Variants in FLNA observed in about 807,000 individuals in gnomAD.
FLNA encodes the protein filamin A, also known as filamin-A.
Under a neutral mutation model 157.6 loss-of-function variants are expected in FLNA, and 7 were observed. The ratio of observed to expected loss-of-function variants is 0.04; its 90% CI spans 0.03 to 0.08. The LOEUF (loss-of-function observed/expected upper bound fraction) is 0.08. FLNA is among the 10% of genes least tolerant of loss of function. The pLI is 1.00. For missense variants in FLNA, 1,750 were observed against 2,398.4 expected, an observed-to-expected ratio of 0.73 and a Z score of 5.65; for synonymous variants, 1,103 against 1,060.8, an observed-to-expected ratio of 1.04 and a Z score of -0.77.
intron 30 of FLNA, among the ~76,000 whole-genome samples, chrX:154,356,558 G>A (rs933863380): frequency 4.7e-4 from 53 of 113,006 alleles, no homozygotes; most frequent in African/African-American, 1.7e-3. Flanking sequence ...CAGGCCTGTA[G>A]CCTCTCATCA....
rs1456036865 is a variant in FLNA, at chrX:154,362,261, G to A, written c.2637C>T (p.Gly879=). Residue 879 remains glycine (G), a synonymous_variant, in exon 18 of 48, where the codon GGC becomes GGT. Transcript: ENST00000369850. ...SHDASKVKAE[G]PGLSRTGVEL... is the part of the protein sequence containing the mutation. ...CCTCACCAGTGCGACTGAGGCCAGGGCCCTCGGCCTTCACCTTACTGGCGT... is the reference window on the plus strand; with the variant it reads ...CCTCACCAGTGCGACTGAGGCCAGGACCCTCGGCCTTCACCTTACTGGCGT... The A allele has an allele frequency of 2.5e-6, 3 of 1,209,678 alleles. No homozygotes were observed. The highest frequency in any genetic ancestry group is 3.4e-6 in the Non-Finnish European group (3 of 894,912).
chrX:154,369,940 AAGAAG>A (rs2067792529), intron 2 of FLNA, among the ~76,000 whole-genome samples: 1 of 111,836 alleles, frequency 8.9e-6, no homozygotes, highest in African/African-American at 3.3e-5. Context: ...CTCAATTCTG[AAGAAG>A]AGAAGACTCA....
At position 154,364,910 on chromosome X, in the gene FLNA, C is replaced by T. The variant is rs2067744457; in HGVS notation, c.1739G>A (p.Arg580Gln). The T allele has an allele frequency of 2.5e-6, 3 of 1,210,125 alleles. No homozygotes were observed. Among genetic ancestry groups the T allele is most frequent in the Non-Finnish European group, 2.2e-6 (2 of 895,266 alleles). ...VGTECGNQKV[R>Q]AWGPGLEGGV... ...GCCCTCCAGCCCAGGGCCCCAGGCC[C>T]GTACCTTCTGATTGCCACACTCGGT... Residue 580 changes from arginine (R) to glutamine (Q), a missense_variant, in exon 12 of 48, where the codon CGG becomes CAG. This residue lies in a region of FLNA where 648 missense variants were observed against 805.8 expected (regional missense o/e 0.80). Coordinates refer to ENST00000369850, the MANE Select transcript of FLNA (RefSeq NM_001110556.2).
rs375910592 is a variant in FLNA at position 154,371,012 on chromosome X, G to T, written c.234C>A (p.Ile78=). The T allele has an allele frequency of 2.5e-6, 3 of 1,208,459 alleles. No individual in the cohort carries two copies. The Middle Eastern group carries it at 6.9e-4, about 276-fold the overall frequency. Residue 78 remains isoleucine (I), a synonymous_variant, in exon 2 of 48, where the codon ATC becomes ATA. Coordinates refer to ENST00000369850, the MANE Select transcript of FLNA (RefSeq NM_001110556.2). ...QTDLSDGLRL[I]ALLEVLSQKK... ...TCTGGCTGAGCACCTCCAACAGCGC[G>T]ATAAGCCGCAGCCCGTCGCTCAGGT...
intron 42 of FLNA, 26 bp from the exon 43 acceptor site, chrX:154,351,722 G>C: frequency 3.5e-6 from 4 of 1,136,226 alleles, no homozygotes; most frequent in Non-Finnish European, 4.8e-6. Flanking sequence ...GTGTAAGACC[G>C]GCTCATCAGC....
At chrX:154,363,839 C>T (rs782430634) in intron 15 of FLNA, among the ~76,000 whole-genome samples, 183 bp downstream of exon 15, 2 of 112,644 alleles carry the variant, frequency 1.8e-5, no homozygotes, top group South Asian at 7.3e-4. Flanking sequence ...CCACATGGCA[C>T]ACAGTTCCAT....
In FLNA at chrX:154,361,196, A is replaced by G. The variant is rs1161470350; in HGVS notation, c.3207+112T>C. The G allele has an allele frequency of 9.9e-5, 10 of 100,886 alleles. No individual in the cohort carries two copies. The South Asian group carries it at 1.1e-3, about 12-fold the overall frequency. 8.3% of individuals were successfully genotyped at this position (100,886 alleles called of 1,213,427 possible). A position where few individuals can be genotyped will look rare whatever the true frequency, so the allele number is the denominator to read the frequency against. On this transcript the variant is annotated intron_variant, in intron 21 of 47. Transcript: ENST00000369850. ...GTCAAGGTTGACAGTCTGTCTCAGG[A>G]AAAAAAAAAAAAAAAAAGGATTTAG...
rs1557177542 is a variant in FLNA, at chrX:154,359,601, C to G, written c.4025G>C (p.Ser1342Thr). 8.3e-7 allele frequency: 1 copy of G among 1,211,018 alleles called. No individual in the cohort carries two copies. Among genetic ancestry groups the G allele is most frequent in the Admixed American group, 2.2e-5 (1 of 46,120 alleles). The stretch of plus-strand genomic sequence containing the variant: ...GGTCACGGGCACCTGGAAGGGGCTG[C>G]TGGGCACGGGACTGCCGTCATAGGT... Reference protein sequence around the residue: ...DVTYDGSPVPSSPFQVPVTEG... With the variant: ...DVTYDGSPVPTSPFQVPVTEG... The change falls in exon 24 of 48, where the codon AGC (serine) becomes ACC (threonine). Residue 1342 changes from serine to threonine, a missense_variant. Physicochemically the swap from Ser to Thr is moderately conservative, Grantham distance 58. Around this residue, in one of 5 missense-constraint regions of FLNA, gnomAD observed 970 missense variants for 1,302.6 expected, o/e 0.74. Coordinates refer to ENST00000369850, the MANE Select transcript of FLNA (RefSeq NM_001110556.2).
Position 154,362,222 on chromosome X carries a change from C to T in FLNA, c.2656+20G>A. On this transcript the variant is annotated intron_variant, in intron 18 of 47. Coordinates refer to ENST00000369850, the MANE Select transcript of FLNA (RefSeq NM_001110556.2). ...CTACCCTTGATGCCCCGCAACCTGC[C>T]ATGGGGTACCTGTCCTCACCAGTGC... 1 of 1,209,637 alleles carries T rather than the reference C, an allele frequency of 8.3e-7. No individual in the cohort carries two copies. The highest frequency in any genetic ancestry group is 1.1e-6 in the Non-Finnish European group (1 of 893,642).
Position 154,350,213 on chromosome X carries a change from G to C in FLNA, c.7157-6C>G. The C allele has an allele frequency of 1.7e-6, 2 of 1,210,344 alleles. No individual in the cohort carries two copies. Among genetic ancestry groups the C allele is most frequent in the Non-Finnish European group, 2.2e-6 (2 of 894,293 alleles). ...GAAGCGCACAGCATACTTATCTGAG[G>C]AGCAGGGAGTCATGCTGTGGGCCTG... On this transcript the variant is annotated splice_polypyrimidine_tract_variant and splice_region_variant and intron_variant, in intron 44 of 47. Coordinates refer to ENST00000369850, the MANE Select transcript of FLNA (RefSeq NM_001110556.2).
Position 154,368,017 on chromosome X carries a change from G to A in FLNA, c.447C>T (p.Ser149=). ...CCTCGTCCCACATGGGCATGGAGAT[G>A]GAGTAGTGCAGGATCAGGGTCCAGA... ...GLIWTLILHY[S]ISMPMWDEEE... The change falls in exon 3 of 48, where the codon TCC becomes TCT. Residue 149 remains serine, a synonymous_variant. Transcript: ENST00000369850. The A allele has an allele frequency of 8.3e-7, 1 of 1,206,175 alleles. No individual in the cohort carries two copies. Among genetic ancestry groups the A allele is most frequent in the Non-Finnish European group, 1.1e-6 (1 of 890,499 alleles).
At position 154,365,709 on chromosome X, in the gene FLNA, C is replaced by G. The variant is rs12556583; in HGVS notation, c.1430-223G>C. Reference sequence around the variant, plus strand: ...CTCCACACCAGCCCAGAGCCCCCCACCCTCCCCCTTCCAAGAAGAAGACAG... The same window carrying G: ...CTCCACACCAGCCCAGAGCCCCCCAGCCTCCCCCTTCCAAGAAGAAGACAG... On this transcript the variant is annotated intron_variant, in intron 9 of 47. Transcript: ENST00000369850. 7.6e-3 allele frequency among the ~76,000 whole-genome samples: 837 copies of G among 110,585 alleles called. 12 individuals carry two copies. The highest frequency in any genetic ancestry group is 0.04 in the Admixed American group (422 of 10,538).
chrX:154,359,896 C>G lies in FLNA; in HGVS notation c.3815G>C (p.Arg1272Pro). Residue 1272 changes from arginine (R) to proline (P), a missense_variant, in exon 23 of 48, where the codon CGT (arginine) becomes CCT (proline). By Grantham distance (103) the Arg-to-Pro change is moderately radical. This residue lies in a region of FLNA where 970 missense variants were observed against 1,302.6 expected (regional missense o/e 0.74). Coordinates refer to ENST00000369850, the MANE Select transcript of FLNA (RefSeq NM_001110556.2). ...CACACTGAACTCAGTGGTGGCCTCA[C>G]GGAAGACACCTGCAAAGGCACAGAG... Reference protein sequence around the residue: ...GPGIEGQGVFREATTEFSVDA... With the variant: ...GPGIEGQGVFPEATTEFSVDA... The G allele has an allele frequency of 8.3e-7, 1 of 1,210,653 alleles. No homozygotes were observed. Among genetic ancestry groups the G allele is most frequent in the Non-Finnish European group, 1.1e-6 (1 of 895,217 alleles).
chrX:154,362,548 G>A lies in FLNA; in HGVS notation c.2435C>T (p.Pro812Leu), dbSNP rs782383908. 8.3e-7 allele frequency: 1 copy of A among 1,211,531 alleles called. No homozygotes were observed. Among genetic ancestry groups the A allele is most frequent in the South Asian group, 1.8e-5 (1 of 57,053 alleles). ...GDVSIGIKCAPGVVGPAEADI... is the reference protein window; with the variant it reads ...GDVSIGIKCALGVVGPAEADI... ...AGCTTCGGCGGGGCCTACCACTCCA[G>A]GGGCACACTTGATGCCGATGCTGAC... Residue 812 changes from proline to leucine, a missense_variant, in exon 17 of 48, where the codon CCT becomes CTT. Pro to Leu is a moderately conservative substitution (Grantham distance 98). Coordinates refer to ENST00000369850, the MANE Select transcript of FLNA (RefSeq NM_001110556.2).
At chrX:154,370,495 G>A (rs888673292) in intron 2 of FLNA, among the ~76,000 whole-genome samples, 3 of 112,724 alleles carry the variant, frequency 2.7e-5, no homozygotes, top group Non-Finnish European at 3.8e-5. Flanking sequence ...AAACAGCTGT[G>A]GGGGGAGAGC....
chrX:154,360,515 C>A lies in FLNA; in HGVS notation c.3280G>T (p.Gly1094Cys), dbSNP rs2067697829. ...SPARFTIDTKGAGTGGLGLTV... is the reference protein window; with the variant it reads ...SPARFTIDTKCAGTGGLGLTV... Reference sequence around the variant, plus strand: ...AGGCCCAGGCCACCTGTGCCGGCGCCCTTGGTGTCGATGGTGAAGCGGGCG... The same window carrying A: ...AGGCCCAGGCCACCTGTGCCGGCGCACTTGGTGTCGATGGTGAAGCGGGCG... Residue 1094 changes from glycine (G) to cysteine (C), a missense_variant, in exon 22 of 48, where the codon GGC becomes TGC. By Grantham distance (159) the Gly-to-Cys change is radical. Coordinates refer to ENST00000369850, the MANE Select transcript of FLNA (RefSeq NM_001110556.2). The A allele has an allele frequency of 2.5e-6, 3 of 1,210,934 alleles. No homozygotes were observed. Among genetic ancestry groups the A allele is most frequent in the Non-Finnish European group, 2.2e-6 (2 of 895,375 alleles).
In FLNA at chrX:154,352,818, T is replaced by G; in HGVS notation, c.6333A>C (p.Pro2111=). Reference sequence around the variant, plus strand: ...ACTTGATGTTGATGATGTAGTTGCCTGGCTCTGTGGGGCAGTAGGTGACCC... The same window carrying G: ...ACTTGATGTTGATGATGTAGTTGCCGGGCTCTGTGGGGCAGTAGGTGACCC... ...TCRVTYCPTE[P]GNYIINIKFA... Residue 2111 remains proline (P), a synonymous_variant, in exon 39 of 48, where the codon CCA becomes CCC. Coordinates refer to ENST00000369850, the MANE Select transcript of FLNA (RefSeq NM_001110556.2). 1 of 1,211,810 alleles carries G rather than the reference T, an allele frequency of 8.3e-7. No individual in the cohort carries two copies. Among genetic ancestry groups the G allele is most frequent in the Non-Finnish European group, 1.1e-6 (1 of 895,418 alleles).
At chrX:154,366,527 G>A in intron 7 of FLNA, 35 bp downstream of exon 7, 1 of 1,207,896 alleles carries the variant, frequency 8.3e-7, no homozygotes, top group Admixed American at 2.2e-5. Flanking sequence ...GCCACTGCCT[G>A]AGGTCACAAG....
chrX:154,362,297 C>A lies in FLNA; in HGVS notation c.2601G>T (p.Glu867Asp), dbSNP rs1269534273. 1 of 1,211,559 alleles carries A rather than the reference C, an allele frequency of 8.3e-7. No individual in the cohort carries two copies. The highest frequency in any genetic ancestry group is 1.8e-5 in the South Asian group (1 of 57,013). ...TPTSPIRVKV[E>D]PSHDASKVKA... is the part of the protein sequence containing the mutation. ...TCACCTTACTGGCGTCATGAGAGGG[C>A]TCCACCTTGACTCGGATGGGGCTGG... is the stretch of plus-strand genomic sequence containing the variant. The change falls in exon 18 of 48, where the codon GAG becomes GAT. Residue 867 changes from glutamate (E) to aspartate (D), a missense_variant. Glu to Asp is a conservative substitution (Grantham distance 45, BLOSUM62 2). Around this residue, in one of 5 missense-constraint regions of FLNA, gnomAD observed 648 missense variants for 805.8 expected, o/e 0.80. Coordinates refer to ENST00000369850, the MANE Select transcript of FLNA (RefSeq NM_001110556.2).
Sources: allele counts gnomAD v4.1 joint callset (sites outside exome capture counted in the v4.1 genomes callset), GRCh38; gene constraint gnomAD v4.1.1; regional missense constraint gnomAD v4.1.1; transcripts MANE v1.5; gene names NCBI Gene and HGNC (gene_info 2026-07-23, HGNC 2026-07-21).